Variants in UGT2B7 observed in about 807,000 individuals in gnomAD.
The protein encoded by UGT2B7 is UDP glucuronosyltransferase family 2 member B7.
UGT2B7 carries 51 observed loss-of-function variants against 51.9 expected under a neutral mutation model. The ratio of observed to expected loss-of-function variants is 0.98; its 90% CI spans 0.78 to 1.24. UGT2B7 has a LOEUF of 1.24. UGT2B7 is among the 50% of genes most tolerant of loss of function. UGT2B7 has a pLI of 0.00. For missense variants in UGT2B7, 727 were observed against 628.4 expected (o/e 1.16, Z -1.68); for synonymous variants, 225 against 211.6 (o/e 1.06, Z -0.55).
chr4:69,106,482 T>G (rs1325659557), intron 3 of UGT2B7, among the ~76,000 whole-genome samples: 2 of 152,214 alleles, frequency 1.3e-5, no homozygotes, highest in African/African-American at 4.8e-5. Context: ...GTACCATATT[T>G]TCTCTATTCA....
upstream of UGT2B7, among the ~76,000 whole-genome samples, chr4:69,092,248 G>A (rs555064319): frequency 6.6e-6 from 1 of 152,274 alleles, no homozygotes; most frequent in South Asian, 2.1e-4. Context: ...TGTAGACCCA[G>A]TTCTCAGTAT....
At position 69,096,789 on chromosome 4, in the gene UGT2B7, T is replaced by A; in HGVS notation, c.269T>A (p.Ile90Asn). 2.5e-6 allele frequency: 4 copies of A among 1,613,978 alleles called. No homozygotes were observed. The highest frequency in any genetic ancestry group is 2.5e-6 in the Non-Finnish European group (3 of 1,179,912). Residue 90 changes from isoleucine to asparagine, a missense_variant, in exon 1 of 6, where the codon ATC becomes AAC. By Grantham distance (149) the Ile-to-Asn change is moderately radical. Transcript: ENST00000305231. ...SLTKTELENFIMQQIKRWSDL... is the reference protein window; with the variant it reads ...SLTKTELENFNMQQIKRWSDL... ...ACTAAAACTGAGTTGGAGAATTTCA[T>A]CATGCAACAGATTAAGAGATGGTCA... is the stretch of plus-strand genomic sequence containing the variant.
chr4:69,073,132 G>A (rs1178149996), intron 1 of UGT2B7, among the ~76,000 whole-genome samples: 1 of 152,072 alleles, frequency 6.6e-6, no homozygotes, highest in Non-Finnish European at 1.5e-5. Context: ...GCTCAGACTT[G>A]GTTAGAGGGA....
chr4:69,096,345 A>G, upstream of UGT2B7: 2 of 955,520 alleles, frequency 2.1e-6, no homozygotes, highest in Admixed American at 5.7e-5. Context: ...CAGATCATTT[A>G]CCTTCATTTG....
chr4:69,087,784 AT>A (rs1718995329), intron 1 of UGT2B7, among the ~76,000 whole-genome samples: 1 of 151,632 alleles, frequency 6.6e-6, no homozygotes, highest in South Asian at 2.1e-4. Flanking sequence ...TGATTTATTT[AT>A]TTTATTTTTT....
chr4:69,085,818 A>T (rs1298787266), intron 1 of UGT2B7, among the ~76,000 whole-genome samples: 1 of 151,738 alleles, frequency 6.6e-6, no homozygotes, highest in Non-Finnish European at 1.5e-5. Flanking sequence ...GTTGGCATGA[A>T]CTTGTTTATA....
At chr4:69,072,401 C>T (rs4406084) in intron 1 of UGT2B7, among the ~76,000 whole-genome samples, 20 of 151,994 alleles carry the variant, frequency 1.3e-4, no homozygotes, top group Admixed American at 3.3e-4. Flanking sequence ...AAGTTGGAGA[C>T]GAAAATGAAA....
chr4:69,067,314 T>G (rs1407076995), intron 1 of UGT2B7: 1 of 152,608 alleles, frequency 6.6e-6, no homozygotes, highest in African/African-American at 2.4e-5. Context: ...TAGAGAACAC[T>G]GCCTGTTTCA....
At chr4:69,102,157 T>A (rs1379965484) in intron 2 of UGT2B7, among the ~76,000 whole-genome samples, 1 of 152,218 alleles carries the variant, frequency 6.6e-6, no homozygotes, top group Non-Finnish European at 1.5e-5. Flanking sequence ...GACTCCAGAA[T>A]GTCAGCGGTT....
intron 1 of UGT2B7, among the ~76,000 whole-genome samples, chr4:69,080,366 G>A (rs757268182): frequency 1.3e-5 from 2 of 151,868 alleles, no homozygotes; most frequent in African/African-American, 2.4e-5. Context: ...TGGACAATGC[G>A]GTAAAACTCC....
intron 1 of UGT2B7, among the ~76,000 whole-genome samples, chr4:69,065,783 G>A (rs1718468372): frequency 6.6e-6 from 1 of 152,112 alleles, no homozygotes; most frequent in African/African-American, 2.4e-5. Flanking sequence ...AATGAAAAAT[G>A]TAATATTAAA....
chr4:69,096,997 G>C lies in UGT2B7; in HGVS notation c.477G>C (p.Leu159=). The C allele has an allele frequency of 6.2e-7, 1 of 1,613,752 alleles. No homozygotes were observed. The highest frequency in any genetic ancestry group is 8.5e-7 in the Non-Finnish European group (1 of 1,179,792). Residue 159 remains leucine (L), a synonymous_variant, in exon 1 of 6, where the codon CTG becomes CTC. Coordinates refer to ENST00000305231, the MANE Select transcript of UGT2B7 (RefSeq NM_001074.4). ...ATGCTATTTTTCCCTGTAGTGAGCT[G>C]CTGGCTGAGCTATTTAACATACCCT... is the stretch of plus-strand genomic sequence containing the variant. ...FADAIFPCSE[L]LAELFNIPFV...
chr4:69,112,219 C>A (rs1027562384), intron 5 of UGT2B7, among the ~76,000 whole-genome samples: 3 of 152,114 alleles, frequency 2.0e-5, no homozygotes, highest in African/African-American at 7.2e-5. Context: ...GTGCATGCAG[C>A]CCCCAGTTAT....
At chr4:69,106,446 A>G (rs973095674) in intron 3 of UGT2B7, among the ~76,000 whole-genome samples, 1 of 152,024 alleles carries the variant, frequency 6.6e-6, no homozygotes, top group African/African-American at 2.4e-5. Flanking sequence ...CTTTTTTATG[A>G]CTGCATAATA....
At chr4:69,070,675 T>C (rs1422104667) in intron 1 of UGT2B7, among the ~76,000 whole-genome samples, 2 of 152,028 alleles carry the variant, frequency 1.3e-5, no homozygotes, top group African/African-American at 2.4e-5. Context: ...GAAAATTACA[T>C]AAAAATTAAG....
At chr4:69,107,887 G>T (rs1719653115) in intron 4 of UGT2B7, among the ~76,000 whole-genome samples, 1 of 151,926 alleles carries the variant, frequency 6.6e-6, no homozygotes, top group African/African-American at 2.4e-5. Context: ...AGCCCAACTG[G>T]AAATCTTGTA....
chr4:69,090,482 TA>T (rs11296710), intron 2 of UGT2B7, among the ~76,000 whole-genome samples: 87,443 of 151,568 alleles, frequency 0.58, 26,216 homozygotes, highest in African/African-American at 0.71. Context: ...AAAAATAAAT[TA>T]ATATATAAAA....
Position 69,066,986 on chromosome 4 carries a change from A to G in UGT2B7, c.-159+15384A>G, listed in dbSNP as rs186940770. Reference sequence around the variant, plus strand: ...TCTATTCAAGCACCATCACCACCCCACTCCCTGCTGCCTTGGATACTATGC... The same window carrying G: ...TCTATTCAAGCACCATCACCACCCCGCTCCCTGCTGCCTTGGATACTATGC... On this transcript the variant is annotated intron_variant, in intron 1 of 5. Coordinates refer to the UGT2B7 transcript ENST00000502942. Among the ~76,000 whole-genome samples, 441 of 151,608 alleles carry G rather than the reference A, an allele frequency of 2.9e-3. 1 individual carries two copies. The highest frequency in any genetic ancestry group is 0.01 in the African/African-American group (430 of 41,306).
At chr4:69,056,164 A>G (rs959217847) in intron 1 of UGT2B7, among the ~76,000 whole-genome samples, 1 of 152,162 alleles carries the variant, frequency 6.6e-6, no homozygotes, top group Non-Finnish European at 1.5e-5. Flanking sequence ...GCTTCCCACA[A>G]AAAAGGAAGC....
Sources: allele counts gnomAD v4.1 joint callset (sites outside exome capture counted in the v4.1 genomes callset), GRCh38; gene constraint gnomAD v4.1.1; transcripts MANE v1.5; gene names NCBI Gene and HGNC (gene_info 2026-07-23, HGNC 2026-07-21).